MUL1: variants seen among roughly 807,000 people sequenced by gnomAD.
MUL1 encodes mitochondrial ubiquitin ligase activator of NFKB 1.
A neutral mutation model predicts 34.1 loss-of-function variants in MUL1; 30 were observed. The observed-to-expected ratio is 0.88, with a 90% confidence interval of 0.66 to 1.19. MUL1 has a LOEUF of 1.19. MUL1 is among the 50% of genes most tolerant of loss of function. MUL1 has a pLI of 0.00. For synonymous variants in MUL1, 191 were observed against 187.8 expected, an observed-to-expected ratio of 1.02 and a Z score of -0.14; for missense variants, 419 against 450.5, an observed-to-expected ratio of 0.93 and a Z score of 0.63.
At position 20,507,924 on chromosome 1, in the gene MUL1, C is replaced by G. The variant is rs986952349; in HGVS notation, c.101G>C (p.Arg34Pro). The change falls in exon 1 of 4, where the codon CGG becomes CCG. Residue 34 changes from arginine to proline, a missense_variant. Coordinates refer to ENST00000264198, the MANE Select transcript of MUL1 (RefSeq NM_024544.3). Reference protein sequence around the residue: ...ALYSVYRQKARVSQELKGAKK... With the variant: ...ALYSVYRQKAPVSQELKGAKK... Reference sequence around the variant, plus strand: ...ACTGACCTTGAGCTCTTGGGAGACCCGGGCCTTCTGCCGGTACACGGAGTA... The same window carrying G: ...ACTGACCTTGAGCTCTTGGGAGACCGGGGCCTTCTGCCGGTACACGGAGTA... The G allele has an allele frequency of 1.3e-6, 2 of 1,596,444 alleles. No individual in the cohort carries two copies. Among genetic ancestry groups the G allele is most frequent in the Non-Finnish European group, 1.7e-6 (2 of 1,172,396 alleles).
At position 20,508,040 on chromosome 1, in the gene MUL1, C is replaced by G. The variant is rs764686273; in HGVS notation, c.-16G>C. 3 of 1,576,738 alleles carry G rather than the reference C, an allele frequency of 1.9e-6. No homozygotes were observed. Among genetic ancestry groups the G allele is most frequent in the Non-Finnish European group, 2.6e-6 (3 of 1,162,844 alleles). ...CGCTCTCCATGACGGCGGCGAGCCC[C>G]GGTGGCCGACTGTGGCGCCAAGGAT... On this transcript the variant is annotated 5_prime_UTR_variant, in exon 1 of 4. Coordinates refer to ENST00000264198, the MANE Select transcript of MUL1 (RefSeq NM_024544.3).
At position 20,502,159 on chromosome 1, in the gene MUL1, T is replaced by C; in HGVS notation, c.239A>G (p.Asn80Ser). 1.9e-6 allele frequency: 3 copies of C among 1,614,158 alleles called. No individual in the cohort carries two copies. The highest frequency in any genetic ancestry group is 2.5e-6 in the Non-Finnish European group (3 of 1,180,030). The change falls in exon 3 of 4, where the codon AAC (asparagine) becomes AGC (serine). Residue 80 changes from asparagine (N) to serine (S), a missense_variant. Transcript: ENST00000264198. ...GAVRSVKETL[N>S]SQFVENCKGV... ...CTTGCAGTTTTCCACAAACTGGCTGTTAAGCGTTTCTTTAACAGACCGCAC... is the reference window on the plus strand; with the variant it reads ...CTTGCAGTTTTCCACAAACTGGCTGCTAAGCGTTTCTTTAACAGACCGCAC...
rs985463135 is a variant in MUL1, at chr1:20,504,262, C to A, written c.121-953G>T. On this transcript the variant is annotated intron_variant, in intron 1 of 3. Transcript: ENST00000264198. The stretch of plus-strand genomic sequence containing the variant: ...TCTAACAATCCCTAGTTCTCCTCTG[C>A]CTTCCAACTCAGAGCGTCCAACCCA... Among the ~76,000 whole-genome samples the A allele has an allele frequency of 4.6e-5, 7 of 152,192 alleles. No individual in the cohort carries two copies. The South Asian group carries it at 1.2e-3, about 27-fold the overall frequency.
chr1:20,499,625 G>A lies in MUL1; in HGVS notation c.*1065C>T, dbSNP rs1328215243. On this transcript the variant is annotated 3_prime_UTR_variant, in exon 4 of 4. Coordinates refer to ENST00000264198, the MANE Select transcript of MUL1 (RefSeq NM_024544.3). Reference sequence around the variant, plus strand: ...TGTGACCTCCAACTACTCAGAGGTGGGGGAAAACAGCCCCATCTGTCTTGC... The same window carrying A: ...TGTGACCTCCAACTACTCAGAGGTGAGGGAAAACAGCCCCATCTGTCTTGC... 3 of 152,190 alleles carry A rather than the reference G, an allele frequency of 2.0e-5. No individual in the cohort carries two copies. Among genetic ancestry groups the A allele is most frequent in the Non-Finnish European group, 4.4e-5 (3 of 68,038 alleles). 9.4% of individuals were successfully genotyped at this position (152,190 alleles called of 1,614,324 possible).
intron 1 of MUL1, among the ~76,000 whole-genome samples, chr1:20,505,350 C>T (rs1382997512): frequency 6.6e-6 from 1 of 151,700 alleles, no homozygotes; most frequent in Non-Finnish European, 1.5e-5. Flanking sequence ...TTTGGGAGTC[C>T]AAAGTGGGAT....
intron 1 of MUL1, among the ~76,000 whole-genome samples, chr1:20,504,822 T>C (rs999405349): frequency 6.6e-6 from 1 of 152,258 alleles, no homozygotes; most frequent in Non-Finnish European, 1.5e-5. Flanking sequence ...CCAGGCAATA[T>C]GCTAGGCACT....
intron 1 of MUL1, among the ~76,000 whole-genome samples, chr1:20,503,543 G>C (rs563276266): frequency 6.6e-6 from 1 of 152,306 alleles, no homozygotes; most frequent in South Asian, 2.1e-4. Flanking sequence ...ATACATTCTT[G>C]TTCCAGTTAA....
chr1:20,506,954 C>T (rs1478399621), intron 1 of MUL1, among the ~76,000 whole-genome samples: 1 of 152,072 alleles, frequency 6.6e-6, no homozygotes, highest in Non-Finnish European at 1.5e-5. Context: ...TGGCTGGGCG[C>T]AGTGGCTCAC....
rs1557514977 is a variant in MUL1, at chr1:20,501,036, C to T, written c.713G>A (p.Arg238Lys). The T allele has an allele frequency of 4.3e-6, 7 of 1,614,010 alleles. No individual in the cohort carries two copies. The highest frequency in any genetic ancestry group is 5.9e-6 in the Non-Finnish European group (7 of 1,180,052). ...SLLQRQESSV[R>K]LWKVLALVFG... ...AACCAGCGCCAGCACCTTCCAGAGC[C>T]TGACGCTCGACTCCTGCCTCTGCAG... Residue 238 changes from arginine (R) to lysine (K), a missense_variant, in exon 4 of 4, where the codon AGG (arginine) becomes AAG (lysine). Transcript: ENST00000264198. The surrounding 1 kb of genome is among the most constrained non-coding windows in gnomAD (Gnocchi z 4.2).
Position 20,507,937 on chromosome 1 carries a change from G to T in MUL1, c.88C>A (p.Arg30=). The T allele has an allele frequency of 6.3e-7, 1 of 1,597,048 alleles. No individual in the cohort carries two copies. The highest frequency in any genetic ancestry group is 1.1e-5 in the South Asian group (1 of 87,844). Residue 30 remains arginine (R), a synonymous_variant, in exon 1 of 4, where the codon CGG becomes AGG. Coordinates refer to ENST00000264198, the MANE Select transcript of MUL1 (RefSeq NM_024544.3). The part of the protein sequence containing the change: ...VVTAALYSVY[R]QKARVSQELK... ...TCTTGGGAGACCCGGGCCTTCTGCC[G>T]GTACACGGAGTACAGGGCGGCGGTG...
intron 1 of MUL1, among the ~76,000 whole-genome samples, chr1:20,505,613 GAAAAA>G (rs1557516935): frequency 7.1e-6 from 1 of 140,974 alleles, no homozygotes; most frequent in Non-Finnish European, 1.5e-5. Flanking sequence ...AAAAGAAGAG[GAAAAA>G]GAAAAAAAGA....
chr1:20,502,681 G>C (rs2051674488), intron 2 of MUL1, among the ~76,000 whole-genome samples: 1 of 152,046 alleles, frequency 6.6e-6, no homozygotes, highest in Non-Finnish European at 1.5e-5. Flanking sequence ...TTACGGGTAT[G>C]TGCCACCACA....
chr1:20,504,270 C>T (rs1261795068), intron 1 of MUL1, among the ~76,000 whole-genome samples: 2 of 152,198 alleles, frequency 1.3e-5, no homozygotes, highest in East Asian at 3.8e-4. Flanking sequence ...TGCCTTCCAA[C>T]TCAGAGCGTC....
chr1:20,506,843 C>A, intron 1 of MUL1, among the ~76,000 whole-genome samples: 1 of 143,860 alleles, frequency 7.0e-6, no homozygotes, highest in African/African-American at 2.7e-5. Context: ...GAGCGAGACT[C>A]CGTCTCAAAA....
Position 20,500,876 on chromosome 1 carries a change from C to T in MUL1, c.873G>A (p.Lys291=). 1 of 1,614,112 alleles carries T rather than the reference C, an allele frequency of 6.2e-7. No homozygotes were observed. Among genetic ancestry groups the T allele is most frequent in the Non-Finnish European group, 8.5e-7 (1 of 1,179,968 alleles). The change falls in exon 4 of 4, where the codon AAG becomes AAA. Residue 291 remains lysine, a synonymous_variant. Transcript: ENST00000264198. ...EHEAQLLSRA[K]PEDRESLKSA... ...TCTTCAGACTCTCCCTGTCCTCAGG[C>T]TTGGCTCGGCTCAGCAGCTGGGCCT... is the stretch of plus-strand genomic sequence containing the variant.
Position 20,500,957 on chromosome 1 carries a change from C to T in MUL1, c.792G>A (p.Leu264=). The T allele has an allele frequency of 6.2e-7, 1 of 1,614,118 alleles. No homozygotes were observed. Among genetic ancestry groups the T allele is most frequent in the Non-Finnish European group, 8.5e-7 (1 of 1,180,050 alleles). Residue 264 remains leucine (L), a synonymous_variant, in exon 4 of 4, where the codon CTG becomes CTA. Transcript: ENST00000264198. ...TGAGGCGCAGGCGCTCCTGCCGCTG[C>T]AGATACTGCTTCCGGAGAATGAAGA... The part of the protein sequence containing the change: ...TLFFILRKQY[L]QRQERLRLKQ...
At chr1:20,507,558 T>C (rs1038436660) in intron 1 of MUL1, among the ~76,000 whole-genome samples, 2 of 152,248 alleles carry the variant, frequency 1.3e-5, no homozygotes, top group African/African-American at 4.8e-5. Flanking sequence ...ATGTTTGCTG[T>C]CTAGTCGTAC....
chr1:20,505,582 C>CAAAAA (rs11338654), intron 1 of MUL1, among the ~76,000 whole-genome samples: 148 of 57,032 alleles, frequency 2.6e-3, no homozygotes, highest in East Asian at 3.3e-3. Context: ...GACCATGTCT[C>CAAAAA]AAAAAAAAAA....
rs12061027 is a variant in MUL1, at chr1:20,507,996, C to T, written c.29G>A (p.Cys10Tyr). MESGGRPSL[C>Y]QFILLGTTSV... Reference sequence around the variant, plus strand: ...GGTGGTGCCCAGGAGGATGAACTGGCACAGCGAGGGCCGCCCTCCGCTCTC... The same window carrying T: ...GGTGGTGCCCAGGAGGATGAACTGGTACAGCGAGGGCCGCCCTCCGCTCTC... The change falls in exon 1 of 4, where the codon TGC becomes TAC. Residue 10 changes from cysteine to tyrosine, a missense_variant. Physicochemically the swap from Cys to Tyr is radical, Grantham distance 194. Transcript: ENST00000264198. The T allele has an allele frequency of 8.0e-4, 1,264 of 1,588,724 alleles. 12 individuals are homozygous for T. In the African/African-American group the frequency reaches 0.015, roughly 19 times the overall value.
Sources: gnomAD v4.1 joint callset for allele counts (sites outside exome capture counted in the v4.1 genomes callset) on GRCh38, gnomAD v4.1.1 for gene constraint, Gnocchi (gnomAD v3.1) non-coding constraint, MANE v1.5 for transcripts, NCBI Gene and HGNC (gene_info 2026-07-23, HGNC 2026-07-21) for gene names.